Variants in RUBCN observed in about 807,000 individuals in gnomAD.
RUBCN encodes rubicon autophagy regulator.
A neutral mutation model predicts 113.2 loss-of-function variants in RUBCN; 74 were observed. The ratio of observed to expected loss-of-function variants is 0.65; its 90% CI spans 0.54 to 0.79. The LOEUF is 0.79. Ranked by LOEUF, RUBCN falls within the 30% of genes least tolerant of loss-of-function variation. The probability of loss-of-function intolerance (pLI) is 0.00; values close to 1 mark genes in which losing one functional copy is unlikely to be tolerated. For missense variants in RUBCN, 1,109 were observed against 1,251.7 expected (o/e 0.89, Z 1.72); for synonymous variants, 480 against 490.0 (o/e 0.98, Z 0.27).
chr3:197,749,008 A>G (rs911819484), intron 1 of RUBCN, among the ~76,000 whole-genome samples: 2 of 152,230 alleles, frequency 1.3e-5, no homozygotes, highest in Non-Finnish European at 2.9e-5. Context: ...AGATGTAAAT[A>G]TCCGAGATAG....
rs78260385 is a variant in RUBCN, at chr3:197,722,623, C to T, written c.66-4493G>A. 7.2e-3 allele frequency among the ~76,000 whole-genome samples: 1,088 copies of T among 150,618 alleles called. 9 individuals are homozygous for T. Among genetic ancestry groups the T allele is most frequent in the Non-Finnish European group, 0.01 (701 of 67,292 alleles). On this transcript the variant is annotated intron_variant, in intron 1 of 19. Transcript: ENST00000296343. ...GGATGCATGCATGCATATATACAGG[C>T]ATCCAACATGGGAGCACCTTAATAT... is the stretch of plus-strand genomic sequence containing the variant.
In RUBCN at chr3:197,674,900, A is replaced by T; in HGVS notation, c.*118T>A. Reference sequence around the variant, plus strand: ...GTCAGTAAAAAAAAAAAAAAAGATGATGATAATTAAAAAAAAAAAAAAAAA... The same window carrying T: ...GTCAGTAAAAAAAAAAAAAAAGATGTTGATAATTAAAAAAAAAAAAAAAAA... On this transcript the variant is annotated 3_prime_UTR_variant, in exon 20 of 20. Coordinates refer to ENST00000296343, the MANE Select transcript of RUBCN (RefSeq NM_014687.4). 16 of 736,712 alleles carry T rather than the reference A, an allele frequency of 2.2e-5. No individual in the cohort carries two copies. Among genetic ancestry groups the T allele is most frequent in the Non-Finnish European group, 3.3e-5 (16 of 480,624 alleles). 45.6% of individuals were successfully genotyped at this position (736,712 alleles called of 1,614,324 possible). A position where few individuals can be genotyped will look rare whatever the true frequency, so the allele number is the denominator to read the frequency against.
At chr3:197,738,053 TATG>T (rs1728321432), upstream of RUBCN, among the ~76,000 whole-genome samples, 1 of 152,218 alleles carries the variant, frequency 6.6e-6, no homozygotes, top group African/African-American at 2.4e-5. Context: ...CACACCTAGC[TATG>T]ATATTTTGAT....
At chr3:197,732,495 A>G (rs1360313946) in intron 1 of RUBCN, among the ~76,000 whole-genome samples, 1 of 152,142 alleles carries the variant, frequency 6.6e-6, no homozygotes, top group East Asian at 1.9e-4. Flanking sequence ...TTGTATTTTT[A>G]GTAGAGACGG....
Position 197,675,392 on chromosome 3 carries a change from C to T in RUBCN, c.2740+30G>A. The T allele has an allele frequency of 6.3e-7, 1 of 1,585,636 alleles. No individual in the cohort carries two copies. Among genetic ancestry groups the T allele is most frequent in the Non-Finnish European group, 8.7e-7 (1 of 1,154,988 alleles). Reference sequence around the variant, plus strand: ...AATCAAGGAGCCCTGTGTTCAGGCTCACTTGCCCGATGCCTGCACCTGCCC... The same window carrying T: ...AATCAAGGAGCCCTGTGTTCAGGCTTACTTGCCCGATGCCTGCACCTGCCC... On this transcript the variant is annotated intron_variant, in intron 19 of 19. Transcript: ENST00000296343. The surrounding 1 kb of genome is among the most constrained non-coding windows in gnomAD (Gnocchi z 4.4).
At chr3:197,695,444 T>TA (rs977501375) in intron 9 of RUBCN, among the ~76,000 whole-genome samples, 1 of 151,622 alleles carries the variant, frequency 6.6e-6, no homozygotes, top group Non-Finnish European at 1.5e-5. Flanking sequence ...TACAAAAAAA[T>TA]AAAAAAAATA....
At chr3:197,740,785 T>C (rs527452125), upstream of RUBCN, among the ~76,000 whole-genome samples, 1 of 151,932 alleles carries the variant, frequency 6.6e-6, no homozygotes, top group South Asian at 2.1e-4. Flanking sequence ...CACGCCCAGT[T>C]AGTTTTTATA....
Position 197,677,058 on chromosome 3 carries a change from G to A in RUBCN, c.2493-20C>T, listed in dbSNP as rs768909456. On this transcript the variant is annotated intron_variant, in intron 17 of 19. Transcript: ENST00000296343. ...AGAAGCCTACAGGGAGTGACAGGAG[G>A]CAGGTGAGGGAATGAACAGTGCATG... 1.2e-6 allele frequency: 2 copies of A among 1,611,100 alleles called. No homozygotes were observed. Among genetic ancestry groups the A allele is most frequent in the South Asian group, 1.1e-5 (1 of 90,986 alleles).
intron 1 of RUBCN, 70 bp downstream of exon 1, chr3:197,736,585 G>T: frequency 7.1e-7 from 1 of 1,416,486 alleles, no homozygotes; most frequent in Non-Finnish European, 9.5e-7. Context: ...CCGTGACCCC[G>T]CGCCCTCCCA....
At chr3:197,718,574 C>T (rs551455460) in intron 1 of RUBCN, among the ~76,000 whole-genome samples, 1 of 152,104 alleles carries the variant, frequency 6.6e-6, no homozygotes, top group East Asian at 1.9e-4. Context: ...CTCAACCTCC[C>T]GAGTAGCTGG....
chr3:197,705,566 GAA>G (rs1023962921), intron 2 of RUBCN, among the ~76,000 whole-genome samples: 2 of 42,504 alleles, frequency 4.7e-5, no homozygotes, highest in Non-Finnish European at 4.7e-5. Flanking sequence ...CCCTAACTCA[GAA>G]AAAAAAAAAA....
At chr3:197,708,500 T>C (rs1207002669) in intron 2 of RUBCN, among the ~76,000 whole-genome samples, 2 of 134,732 alleles carry the variant, frequency 1.5e-5, no homozygotes, top group South Asian at 2.2e-4. Context: ...ACTTGTAATA[T>C]ATACACATTA....
chr3:197,686,969 T>C (rs1270751952), intron 11 of RUBCN, among the ~76,000 whole-genome samples: 2 of 152,234 alleles, frequency 1.3e-5, no homozygotes, highest in Non-Finnish European at 2.9e-5. Context: ...TGACAAGTTA[T>C]AAGGAGAAGA....
In RUBCN at chr3:197,701,818, C is replaced by G. The variant is rs993185258; in HGVS notation, c.617G>C (p.Ser206Thr). The change falls in exon 6 of 20, where the codon AGC becomes ACC. Residue 206 changes from serine (S) to threonine (T), a missense_variant. This residue lies in a region of RUBCN where 736 missense variants were observed against 779.6 expected (regional missense o/e 0.94). Coordinates refer to ENST00000296343, the MANE Select transcript of RUBCN (RefSeq NM_014687.4). ...ESPLLVTKSQ[S>T]LTALPSSTYT... ...TGTGGAACTGGGCAGGGCTGTCAGG[C>G]TCTGGCTCTTTGTCACCAGGAGCGG... 79 of 1,614,076 alleles carry G rather than the reference C, an allele frequency of 4.9e-5. No individual in the cohort carries two copies. Among genetic ancestry groups the G allele is most frequent in the Non-Finnish European group, 6.7e-5 (79 of 1,180,040 alleles).
chr3:197,714,182 C>T lies in RUBCN; in HGVS notation c.219+3795G>A, dbSNP rs542765533. On this transcript the variant is annotated intron_variant, in intron 2 of 19. Coordinates refer to ENST00000296343, the MANE Select transcript of RUBCN (RefSeq NM_014687.4). ...ATGTGAGCAGTCTGATTCAAAAGTC[C>T]GTAATTTTAACTGCTACGTCACTTT... 5.3e-5 allele frequency among the ~76,000 whole-genome samples: 8 copies of T among 152,252 alleles called. No homozygotes were observed. The South Asian group carries it at 1.0e-3, about 20-fold the overall frequency.
chr3:197,704,012 A>AT (rs1724002729), intron 4 of RUBCN, among the ~76,000 whole-genome samples: 1 of 152,168 alleles, frequency 6.6e-6, no homozygotes, highest in Non-Finnish European at 1.5e-5. Context: ...AATGGTGGCT[A>AT]TTCTTACGGT....
Position 197,681,256 on chromosome 3 carries a change from A to C in RUBCN, c.2303T>G (p.Phe768Cys), listed in dbSNP as rs764665580. Reference protein sequence around the residue: ...IPSRVLRKWDFSKYYVSNFSK... With the variant: ...IPSRVLRKWDCSKYYVSNFSK... ...GAAGTTGCTGACGTAGTACTTGCTG[A>C]AGTCCCACTTGCGCAGAACCCGGCT... Residue 768 changes from phenylalanine (F) to cysteine (C), a missense_variant, in exon 16 of 20, where the codon TTC (phenylalanine) becomes TGC (cysteine). Around this residue, in one of 3 missense-constraint regions of RUBCN, gnomAD observed 306 missense variants for 348.9 expected, o/e 0.88. Transcript: ENST00000296343. This position sits in a 1 kb window ranked among gnomAD's most constrained non-coding sequence, Gnocchi z 5.5. 3 of 1,614,124 alleles carry C rather than the reference A, an allele frequency of 1.9e-6. No homozygotes were observed. The highest frequency in any genetic ancestry group is 2.5e-6 in the Non-Finnish European group (3 of 1,179,996).
chr3:197,735,795 T>C (rs1290417892), intron 1 of RUBCN, among the ~76,000 whole-genome samples: 1 of 152,084 alleles, frequency 6.6e-6, no homozygotes, highest in Non-Finnish European at 1.5e-5. Flanking sequence ...TCTCCCTAGG[T>C]TACCCAGGCT....
chr3:197,749,258 G>C, intron 1 of RUBCN: 1 of 1,039,838 alleles, frequency 9.6e-7, no homozygotes, highest in Non-Finnish European at 1.2e-6. Context: ...TACATCAACA[G>C]AGGTACTTAC....
Sources: allele counts gnomAD v4.1 joint callset (sites outside exome capture counted in the v4.1 genomes callset), GRCh38; gene constraint gnomAD v4.1.1; regional missense constraint gnomAD v4.1.1; non-coding constraint Gnocchi (gnomAD v3.1); transcripts MANE v1.5; gene names NCBI Gene and HGNC (gene_info 2026-07-23, HGNC 2026-07-21).